The following EPX variants were observed in gnomAD, a reference collection of about 807,000 sequenced individuals.
EPX encodes the protein eosinophil peroxidase.
EPX carries 60 observed loss-of-function variants against 73.0 expected under a neutral mutation model. The ratio of observed to expected loss-of-function variants is 0.82; its 90% CI spans 0.67 to 1.02. The LOEUF (loss-of-function observed/expected upper bound fraction) is 1.02. EPX is among the 50% of genes least tolerant of loss of function. EPX has a pLI of 0.00. For synonymous variants in EPX, 347 were observed against 389.2 expected (o/e 0.89, Z 1.28); for missense variants, 950 against 973.9 (o/e 0.98, Z 0.33).
chr17:58,201,611 T>G (rs1203553979), intron 10 of EPX, among the ~76,000 whole-genome samples: 1 of 152,200 alleles, frequency 6.6e-6, no homozygotes, highest in Non-Finnish European at 1.5e-5. Context: ...TGATAAGATG[T>G]ACCTATGATC....
In EPX at chr17:58,192,764, CA is replaced by C. The variant is rs1203572366; in HGVS notation, c.-80del. On this transcript the variant is annotated 5_prime_UTR_variant, in exon 1 of 13. Transcript: ENST00000225371. ...AAGTGAGAGGTCGGCTGGGGGTCCTCAAAGTGAGAGGGGAGCAGAGGATCCT... is the reference window on the plus strand; with the variant it reads ...AAGTGAGAGGTCGGCTGGGGGTCCTCAAGTGAGAGGGGAGCAGAGGATCCT... The C allele has an allele frequency of 3.9e-6, 5 of 1,281,474 alleles. No homozygotes were observed. In the East Asian group the frequency reaches 1.2e-4, roughly 32 times the overall value. 79.4% of individuals were successfully genotyped at this position (1,281,474 alleles called of 1,614,324 possible). A position where few individuals can be genotyped will look rare whatever the true frequency, so the allele number is the denominator to read the frequency against.
chr17:58,203,357 C>T (rs1968369155), intron 11 of EPX, 39 bp downstream of exon 11: 1 of 1,356,512 alleles, frequency 7.4e-7, no homozygotes. Flanking sequence ...GCACCAGAGG[C>T]AGAGCAGAAA....
intron 10 of EPX, chr17:58,202,828 G>A: frequency 3.8e-6 from 2 of 526,780 alleles, no homozygotes; most frequent in South Asian, 2.1e-5. Context: ...ATGAGTTTTG[G>A]GTTAAAACAG....
At position 58,203,118 on chromosome 17, in the gene EPX, G is replaced by A; in HGVS notation, c.1746G>A (p.Gln582=). Reference sequence around the variant, plus strand: ...GGAGGCGCTTCTGTGGGCTCTCCCAGCCCCGGAATTTGGCACAGCTTAGCC... The same window carrying A: ...GGAGGCGCTTCTGTGGGCTCTCCCAACCCCGGAATTTGGCACAGCTTAGCC... ...NAWRRFCGLS[Q]PRNLAQLSRV... is the part of the protein sequence containing the mutation. Residue 582 remains glutamine (Q), a synonymous_variant, in exon 11 of 13, where the codon CAG becomes CAA. Transcript: ENST00000225371. 6.2e-7 allele frequency: 1 copy of A among 1,614,160 alleles called. No individual in the cohort carries two copies. Among genetic ancestry groups the A allele is most frequent in the Non-Finnish European group, 8.5e-7 (1 of 1,180,034 alleles).
chr17:58,203,931 CAAAAAAAAAAAAAAAAAAAAAAA>C (rs567848038), intron 11 of EPX, among the ~76,000 whole-genome samples: 9 of 15,778 alleles, frequency 5.7e-4, no homozygotes, highest in South Asian at 5.5e-3. Context: ...GACTCCGTCT[CAAAAAAAAAAAAAAAAAAAAAAA>C]AAAAAAAAAA....
intron 7 of EPX, among the ~76,000 whole-genome samples, chr17:58,198,216 G>A (rs748105325): frequency 5.9e-5 from 9 of 152,114 alleles, no homozygotes; most frequent in South Asian, 4.1e-4. Flanking sequence ...CTCATTTTAC[G>A]ATAAGAAACT....
intron 10 of EPX, 148 bp downstream of exon 10, chr17:58,200,543 C>T (rs990051891): frequency 1.2e-6 from 1 of 805,766 alleles, no homozygotes; most frequent in Non-Finnish European, 2.1e-6. Flanking sequence ...GGTCGATGTC[C>T]CAAAGCACTC....
chr17:58,197,352 T>A (rs949736341), intron 7 of EPX, 95 bp downstream of exon 7: 1 of 1,460,600 alleles, frequency 6.8e-7, no homozygotes, highest in Admixed American at 1.8e-5. Flanking sequence ...AGGTACATGG[T>A]TTGGGACCTC....
rs758012923 is a variant in EPX, at chr17:58,195,011, G to A, written c.642G>A (p.Leu214=). The A allele has an allele frequency of 2.5e-6, 4 of 1,614,184 alleles. No homozygotes were observed. In the South Asian group the frequency reaches 4.4e-5, roughly 18 times the overall value. The change falls in exon 6 of 13, where the codon CTG becomes CTA. Residue 214 remains leucine (L), a synonymous_variant. Coordinates refer to ENST00000225371, the MANE Select transcript of EPX (RefSeq NM_000502.6). ...TTGTGCGCTTCCCCAATGAGAGACT[G>A]ACCTCCGACCGTGGCCGAGCCCTCA... ...NQIVRFPNER[L]TSDRGRALMF... is the part of the protein sequence containing the mutation.
At chr17:58,193,590 G>A (rs375525886) in intron 3 of EPX, 44 bp downstream of exon 3, 25 of 1,603,966 alleles carry the variant, frequency 1.6e-5, no homozygotes, top group Non-Finnish European at 2.0e-5. Context: ...CCCTGGCCTG[G>A]AGTAGAAGGA....
chr17:58,201,537 G>T (rs914603822), intron 10 of EPX, among the ~76,000 whole-genome samples: 9 of 152,322 alleles, frequency 5.9e-5, no homozygotes, highest in African/African-American at 1.9e-4. Context: ...CTGGGGTACT[G>T]GGTATGGGTA....
chr17:58,199,143 G>A lies in EPX; in HGVS notation c.1224G>A (p.Arg408=), dbSNP rs1205202903. The A allele has an allele frequency of 6.2e-7, 1 of 1,614,140 alleles. No homozygotes were observed. The highest frequency in any genetic ancestry group is 1.3e-5 in the African/African-American group (1 of 75,058). ...LATELRRLNP[R]WNGDKLYNEA... is the part of the protein sequence containing the mutation. ...CCGAGCTGAGACGCCTGAATCCCCG[G>A]TGGAATGGAGACAAACTGTACAATG... Residue 408 remains arginine, a synonymous_variant, in exon 8 of 13, where the codon CGG becomes CGA. Coordinates refer to ENST00000225371, the MANE Select transcript of EPX (RefSeq NM_000502.6).
Position 58,193,953 on chromosome 17 carries a change from A to G in EPX, c.465-10A>G, listed in dbSNP as rs1357424592. 3 of 1,612,654 alleles carry G rather than the reference A, an allele frequency of 1.9e-6. No individual in the cohort carries two copies. Among genetic ancestry groups the G allele is most frequent in the Non-Finnish European group, 2.5e-6 (3 of 1,179,912 alleles). On this transcript the variant is annotated splice_polypyrimidine_tract_variant and intron_variant, in intron 4 of 12. Transcript: ENST00000225371. ...TGCCCCCTGCTAACCTATCCCACCCATGGCTGCAGGAGGAGACCCTTGCTA... is the reference window on the plus strand; with the variant it reads ...TGCCCCCTGCTAACCTATCCCACCCGTGGCTGCAGGAGGAGACCCTTGCTA...
chr17:58,203,006 G>A, intron 10 of EPX, 75 bp from the exon 11 acceptor site: 3 of 1,108,966 alleles, frequency 2.7e-6, no homozygotes, highest in Non-Finnish European at 4.1e-6. Context: ...CTTCCCCCCA[G>A]AGGACTGGTG....
chr17:58,197,377 C>G, intron 7 of EPX, 120 bp downstream of exon 7: 1 of 1,161,806 alleles, frequency 8.6e-7, no homozygotes, highest in South Asian at 1.3e-5. Flanking sequence ...TTAGGCACAC[C>G]ATAAGCATGG....
intron 3 of EPX, 83 bp downstream of exon 3, chr17:58,193,629 G>T: frequency 6.4e-7 from 1 of 1,567,924 alleles, no homozygotes; most frequent in East Asian, 2.2e-5. Flanking sequence ...GGGTGCACAG[G>T]TTTGGGGTGC....
At chr17:58,199,274 C>T (rs563869027) in intron 8 of EPX, 74 bp downstream of exon 8, 16 of 1,494,400 alleles carry the variant, frequency 1.1e-5, no homozygotes, top group African/African-American at 4.1e-5. Context: ...CACATCCTTG[C>T]GGATGTGCCT....
intron 5 of EPX, among the ~76,000 whole-genome samples, chr17:58,194,667 T>C (rs1968228463): frequency 6.6e-6 from 1 of 152,170 alleles, no homozygotes; most frequent in Non-Finnish European, 1.5e-5. Flanking sequence ...TACAAATTGA[T>C]CTATCTATTT....
At chr17:58,196,772 A>G (rs3785496) in intron 6 of EPX, among the ~76,000 whole-genome samples, 167 bp from the exon 7 acceptor site, 39,114 of 152,034 alleles carry the variant, frequency 0.26, 5,310 homozygotes, top group African/African-American at 0.33. Flanking sequence ...ACAAAATGTT[A>G]AGGACACTCA....
Sources: gnomAD v4.1 joint callset for allele counts (sites outside exome capture counted in the v4.1 genomes callset) on GRCh38, gnomAD v4.1.1 for gene constraint, MANE v1.5 for transcripts, NCBI Gene and HGNC (gene_info 2026-07-23, HGNC 2026-07-21) for gene names.